The following PCDH15 variants were observed in gnomAD, a reference collection of about 807,000 sequenced individuals.
The protein encoded by PCDH15 is protocadherin related 15, also known as protocadherin-15.
A neutral mutation model predicts 178.5 loss-of-function variants in PCDH15; 129 were observed. That is an observed-to-expected ratio of 0.72 (90% CI 0.63 to 0.84). PCDH15 has a LOEUF of 0.84. Ranked by LOEUF, PCDH15 falls within the 40% of genes least tolerant of loss-of-function variation. PCDH15 has a pLI of 0.00. For missense variants in PCDH15, 2,230 were observed against 2,099.9 expected (o/e 1.06, Z -1.21); for synonymous variants, 800 against 732.0 (o/e 1.09, Z -1.50).
At chr10:54,432,915 A>G (rs9416345) in intron 3 of PCDH15, among the ~76,000 whole-genome samples, 28,388 of 152,094 alleles carry the variant, frequency 0.19, 3,089 homozygotes, top group African/African-American at 0.29. Flanking sequence ...GGCAAATATC[A>G]AATAGACATT....
At chr10:54,195,945 G>A in intron 10 of PCDH15, 56 bp from the exon 11 acceptor site, 1 of 1,516,130 alleles carries the variant, frequency 6.6e-7, no homozygotes, top group Non-Finnish European at 9.1e-7. Flanking sequence ...CTATCTTTTT[G>A]GAGTTTCACT....
At chr10:55,049,567 T>A (rs1841106686) in intron 2 of PCDH15, among the ~76,000 whole-genome samples, 2 of 151,914 alleles carry the variant, frequency 1.3e-5, no homozygotes, top group Non-Finnish European at 2.9e-5. Flanking sequence ...AATAGAGAAC[T>A]CTTTCATTCT....
At chr10:54,985,215 T>C (rs1406849008) in intron 2 of PCDH15, among the ~76,000 whole-genome samples, 1 of 152,186 alleles carries the variant, frequency 6.6e-6, no homozygotes, top group Non-Finnish European at 1.5e-5. Flanking sequence ...AGGTATATTA[T>C]GGTATCTATA....
intron 11 of PCDH15, among the ~76,000 whole-genome samples, chr10:54,187,880 T>C (rs184051159): frequency 1.3e-5 from 2 of 151,822 alleles, no homozygotes; most frequent in Non-Finnish European, 1.5e-5. Context: ...GTTCAACAAA[T>C]TGTCACTCAA....
intron 2 of PCDH15, among the ~76,000 whole-genome samples, chr10:55,554,564 T>C (rs1842054712): frequency 6.6e-6 from 1 of 152,014 alleles, no homozygotes. Flanking sequence ...CATTTTTTAA[T>C]CAAACACGGA....
At chr10:54,316,173 G>A (rs1290863379) in intron 8 of PCDH15, among the ~76,000 whole-genome samples, 1 of 151,882 alleles carries the variant, frequency 6.6e-6, no homozygotes, top group Non-Finnish European at 1.5e-5. Context: ...ATTCATGCAA[G>A]TTAACTGGAC....
chr10:55,263,206 T>G (rs1393054829), intron 1 of PCDH15, among the ~76,000 whole-genome samples: 5 of 152,212 alleles, frequency 3.3e-5, no homozygotes, highest in Non-Finnish European at 5.9e-5. Flanking sequence ...TCACGAAGTT[T>G]TAAACCATCC....
intron 2 of PCDH15, among the ~76,000 whole-genome samples, chr10:54,642,424 G>A (rs536158723): frequency 2.0e-4 from 30 of 152,160 alleles, no homozygotes; most frequent in Admixed American, 9.2e-4. Flanking sequence ...ATCTCACCTC[G>A]CTTACTTCTG....
At chr10:54,980,796 C>T (rs11004654) in intron 2 of PCDH15, among the ~76,000 whole-genome samples, 63,646 of 151,374 alleles carry the variant, frequency 0.42, 14,301 homozygotes, top group East Asian at 0.54. Flanking sequence ...ATTTAATAGA[C>T]GATTTATTGA....
chr10:53,940,656 A>C (rs1286488588), intron 24 of PCDH15, among the ~76,000 whole-genome samples: 2 of 152,220 alleles, frequency 1.3e-5, no homozygotes, highest in African/African-American at 2.4e-5. Flanking sequence ...TTCTTAAGGT[A>C]CTTAATATTT....
intron 15 of PCDH15, among the ~76,000 whole-genome samples, chr10:54,099,513 A>AATATAT (rs1554965277): frequency 8.3e-4 from 98 of 117,874 alleles, no homozygotes; most frequent in African/African-American, 3.1e-3. Flanking sequence ...AAAAAAAAAA[A>AATATAT]ATATATATAT....
At chr10:55,496,180 T>A (rs1291915730) in intron 2 of PCDH15, among the ~76,000 whole-genome samples, 1 of 151,756 alleles carries the variant, frequency 6.6e-6, no homozygotes. Context: ...ATGAGTTATA[T>A]CTCAATAAAA....
chr10:54,668,328 G>A (rs1307289452), intron 1 of PCDH15, among the ~76,000 whole-genome samples: 1 of 152,118 alleles, frequency 6.6e-6, no homozygotes, highest in Admixed American at 6.6e-5. Flanking sequence ...ATAGCAGCTA[G>A]CATTTCAAAA....
intron 21 of PCDH15, among the ~76,000 whole-genome samples, chr10:53,987,108 T>C (rs2134720596): frequency 6.6e-6 from 1 of 152,214 alleles, no homozygotes; most frequent in Admixed American, 6.5e-5. Flanking sequence ...TCTAAATATA[T>C]ACTAGTAAAA....
chr10:53,821,894 A>G lies in PCDH15; in HGVS notation c.4368-1664T>C, dbSNP rs779724710. On this transcript the variant is annotated intron_variant, in intron 32 of 37. Transcript: ENST00000644397. ...TAGATTGACTGTGAGATTGTTTTTC[A>G]GTTCCCTCGACAATATTGTTCAAAC... The G allele has an allele frequency of 3.1e-6, 5 of 1,613,580 alleles. No homozygotes were observed. Among genetic ancestry groups the G allele is most frequent in the Admixed American group, 1.7e-5 (1 of 59,980 alleles).
At chr10:55,116,163 A>T (rs1394819562) in intron 2 of PCDH15, among the ~76,000 whole-genome samples, 1 of 152,194 alleles carries the variant, frequency 6.6e-6, no homozygotes, top group Admixed American at 6.5e-5. Context: ...AAGATTGTTT[A>T]TGAGCCAATC....
At chr10:55,238,584 A>G (rs1255108731) in intron 1 of PCDH15, among the ~76,000 whole-genome samples, 2 of 152,232 alleles carry the variant, frequency 1.3e-5, no homozygotes, top group Admixed American at 1.3e-4. Context: ...AACCAATGAT[A>G]GCCTTTAACA....
At chr10:54,206,144 C>T (rs4935507) in intron 10 of PCDH15, among the ~76,000 whole-genome samples, 137,767 of 152,172 alleles carry the variant, frequency 0.91, 62,567 homozygotes, top group East Asian at 0.98. Context: ...CTTGTTACAA[C>T]GAACACATGA....
intron 2 of PCDH15, among the ~76,000 whole-genome samples, chr10:54,968,190 A>T (rs1838841603): frequency 6.6e-6 from 1 of 152,142 alleles, no homozygotes; most frequent in Non-Finnish European, 1.5e-5. Context: ...GCTAATCTGT[A>T]TTCCAACGTG....
Sources: allele counts gnomAD v4.1 joint callset (sites outside exome capture counted in the v4.1 genomes callset), GRCh38; gene constraint gnomAD v4.1.1; transcripts MANE v1.5; gene names NCBI Gene and HGNC (gene_info 2026-07-23, HGNC 2026-07-21).